Variants in TBL1XR1 observed in about 807,000 individuals in gnomAD.
The protein encoded by TBL1XR1 is TBL1X/Y related 1, also known as F-box-like/WD repeat-containing protein TBL1XR1.
A neutral mutation model predicts 66.9 loss-of-function variants in TBL1XR1; 5 were observed. That is an observed-to-expected ratio of 0.07 (90% CI 0.04 to 0.16). The LOEUF (loss-of-function observed/expected upper bound fraction) is 0.16, where lower values mean the gene tolerates loss of function less well. TBL1XR1 is among the 10% of genes least tolerant of loss of function. The pLI is 1.00. For missense variants in TBL1XR1, 238 were observed against 623.2 expected (o/e 0.38, Z 6.58); for synonymous variants, 210 against 206.0 (o/e 1.02, Z -0.17).
intron 1 of TBL1XR1, among the ~76,000 whole-genome samples, chr3:177,193,881 A>T (rs914316890): frequency 6.6e-5 from 10 of 152,190 alleles, no homozygotes; most frequent in Non-Finnish European, 1.2e-4. Flanking sequence ...TGAACAAGGG[A>T]ATTAACTTCT....
chr3:177,148,572 G>A (rs1283282443), intron 1 of TBL1XR1, among the ~76,000 whole-genome samples: 7 of 151,844 alleles, frequency 4.6e-5, no homozygotes, highest in African/African-American at 7.3e-5. Context: ...AAAATTAGCC[G>A]AGCATGGTGC....
intron 4 of TBL1XR1, 98 bp from the exon 5 acceptor site, chr3:177,051,824 C>A: frequency 1.5e-6 from 2 of 1,368,288 alleles, no homozygotes; most frequent in Non-Finnish European, 1.9e-6. Flanking sequence ...ATCTTCGTTC[C>A]TAAAAAAACA....
At chr3:177,166,212 C>T (rs544214929) in intron 1 of TBL1XR1, among the ~76,000 whole-genome samples, 5 of 152,178 alleles carry the variant, frequency 3.3e-5, no homozygotes, top group Admixed American at 6.5e-5. Context: ...CATGGTGAAA[C>T]TCCCATCTCT....
chr3:177,144,614 T>TC (rs1681412037), intron 1 of TBL1XR1, among the ~76,000 whole-genome samples: 1 of 150,192 alleles, frequency 6.7e-6, no homozygotes, highest in Non-Finnish European at 1.5e-5. Flanking sequence ...ATTGGCTGGG[T>TC]GTGGTAGCGG....
intron 1 of TBL1XR1, among the ~76,000 whole-genome samples, chr3:177,106,400 T>C (rs1007672908): frequency 2.6e-5 from 4 of 152,238 alleles, no homozygotes; most frequent in Non-Finnish European, 5.9e-5. Context: ...CATCCCTTTC[T>C]AACTTAGCAC....
chr3:177,113,166 G>T lies in TBL1XR1; in HGVS notation c.-121-14625C>A, dbSNP rs550758004. Among the ~76,000 whole-genome samples the T allele has an allele frequency of 1.6e-4, 24 of 152,194 alleles. No individual in the cohort carries two copies. The South Asian group carries it at 4.1e-3, about 26-fold the overall frequency. The stretch of plus-strand genomic sequence containing the variant: ...GGGGAAACAGAATGAATATTCACAT[G>T]TAGAAAAATGAAAGTAGACCCTTAT... On this transcript the variant is annotated intron_variant, in intron 1 of 15. Transcript: ENST00000457928.
chr3:177,187,301 G>A (rs1309032383), intron 1 of TBL1XR1, among the ~76,000 whole-genome samples: 2 of 149,296 alleles, frequency 1.3e-5, no homozygotes, highest in African/African-American at 4.9e-5. Flanking sequence ...GACTGAGGCA[G>A]GGAGAATCGC....
chr3:177,083,341 T>C (rs1721680426), intron 2 of TBL1XR1, among the ~76,000 whole-genome samples: 1 of 152,252 alleles, frequency 6.6e-6, no homozygotes, highest in African/African-American at 2.4e-5. Context: ...TAGTCTTTGC[T>C]ACATCATTTT....
At chr3:177,135,347 A>G (rs376725641) in intron 1 of TBL1XR1, among the ~76,000 whole-genome samples, 1,119 of 18,812 alleles carry the variant, frequency 0.059, 20 homozygotes, top group East Asian at 0.094. Flanking sequence ...ACATATATAT[A>G]TATATATATA....
intron 1 of TBL1XR1, among the ~76,000 whole-genome samples, chr3:177,136,842 C>T (rs999535514): frequency 6.6e-6 from 1 of 152,130 alleles, no homozygotes; most frequent in Non-Finnish European, 1.5e-5. Flanking sequence ...TTTACTAAAT[C>T]ATTTTCAAAA....
chr3:177,130,482 G>A (rs923529521), intron 1 of TBL1XR1, among the ~76,000 whole-genome samples: 8 of 152,034 alleles, frequency 5.3e-5, no homozygotes, highest in African/African-American at 1.4e-4. Flanking sequence ...ATTCTACAAC[G>A]TTTTTGGGAA....
intron 14 of TBL1XR1, among the ~76,000 whole-genome samples, chr3:177,028,544 T>G (rs1168264808): frequency 2.0e-5 from 3 of 152,142 alleles, no homozygotes; most frequent in Non-Finnish European, 4.4e-5. Context: ...ATAAAAACCA[T>G]AAGGCACCTC....
At chr3:177,087,861 CA>C (rs1722342146) in intron 2 of TBL1XR1, among the ~76,000 whole-genome samples, 1 of 151,918 alleles carries the variant, frequency 6.6e-6, no homozygotes, top group Admixed American at 6.6e-5. Context: ...TGTCCAACCC[CA>C]AATAGTCAAA....
chr3:177,154,917 A>G (rs1228174242), intron 1 of TBL1XR1, among the ~76,000 whole-genome samples: 2 of 152,252 alleles, frequency 1.3e-5, no homozygotes, highest in South Asian at 2.1e-4. Context: ...ATGCAAATCT[A>G]AAAGATTTAA....
intron 1 of TBL1XR1, among the ~76,000 whole-genome samples, chr3:177,103,462 T>C (rs915638511): frequency 6.6e-6 from 1 of 152,214 alleles, no homozygotes; most frequent in Non-Finnish European, 1.5e-5. Flanking sequence ...TAGATAAGGC[T>C]TACAGCATAG....
At position 177,117,061 on chromosome 3, in the gene TBL1XR1, C is replaced by T. The variant is rs79610615; in HGVS notation, c.-121-18520G>A. On this transcript the variant is annotated intron_variant, in intron 1 of 15. Transcript: ENST00000457928. ...TATTGGCATTCCGAAAATGGGGTAA[C>T]GATTCTAGAATAAATACTGAATATA... Among the ~76,000 whole-genome samples, 288 of 152,116 alleles carry T rather than the reference C, an allele frequency of 1.9e-3. 1 individual carries two copies. Among genetic ancestry groups the T allele is most frequent in the African/African-American group, 6.7e-3 (277 of 41,492 alleles).
intron 3 of TBL1XR1, among the ~76,000 whole-genome samples, chr3:177,054,868 T>A (rs1193041288): frequency 1.3e-5 from 2 of 152,140 alleles, no homozygotes; most frequent in African/African-American, 4.8e-5. Context: ...ACTTACTTAA[T>A]AAAAATCTCT....
intron 1 of TBL1XR1, among the ~76,000 whole-genome samples, chr3:177,138,231 C>G (rs942223670): frequency 6.6e-6 from 1 of 152,140 alleles, no homozygotes; most frequent in East Asian, 1.9e-4. Context: ...ATCCTCTGAC[C>G]CTGTGAACAG....
intron 1 of TBL1XR1, among the ~76,000 whole-genome samples, chr3:177,152,497 G>A (rs1731016804): frequency 6.6e-6 from 1 of 152,148 alleles, no homozygotes; most frequent in African/African-American, 2.4e-5. Flanking sequence ...ATTTTGGCCA[G>A]GCTTGTCTTG....
Sources: gnomAD v4.1 joint callset for allele counts (sites outside exome capture counted in the v4.1 genomes callset) on GRCh38, gnomAD v4.1.1 for gene constraint, MANE v1.5 for transcripts, NCBI Gene and HGNC (gene_info 2026-07-23, HGNC 2026-07-21) for gene names.